Variants in EDARADD observed in about 807,000 individuals in gnomAD.
The protein encoded by EDARADD is ectodysplasin-A receptor-associated adapter protein.
Under a neutral mutation model 25.6 loss-of-function variants are expected in EDARADD, and 20 were observed. That is an observed-to-expected ratio of 0.78 (90% CI 0.55 to 1.14). The LOEUF (loss-of-function observed/expected upper bound fraction) is 1.14, where lower values mean the gene tolerates loss of function less well. Ranked by LOEUF, EDARADD falls within the 50% of genes most tolerant of loss-of-function variation. EDARADD has a pLI of 0.00. For synonymous variants in EDARADD, 86 were observed against 94.4 expected (o/e 0.91, Z 0.52); for missense variants, 225 against 270.1 (o/e 0.83, Z 1.17).
chr1:236,419,630 G>A (rs539238531), intron 3 of EDARADD, among the ~76,000 whole-genome samples: 1 of 152,124 alleles, frequency 6.6e-6, no homozygotes, highest in Non-Finnish European at 1.5e-5. Context: ...AAGGCGGTCT[G>A]GGGGAGAGCT....
At chr1:236,464,550 AC>A (rs1335124452) in intron 4 of EDARADD, among the ~76,000 whole-genome samples, 2 of 145,186 alleles carry the variant, frequency 1.4e-5, no homozygotes, top group Non-Finnish European at 3.0e-5. Flanking sequence ...CTCCTGCCTC[AC>A]CCTCCTGAGT....
At chr1:236,402,890 CTG>C (rs1192991969) in intron 1 of EDARADD, among the ~76,000 whole-genome samples, 2 of 152,184 alleles carry the variant, frequency 1.3e-5, no homozygotes, top group South Asian at 2.1e-4. Flanking sequence ...TTAGCTGAGA[CTG>C]TGTGTAAGCC....
At chr1:236,357,415 C>A (rs1666992888) in intron 3 of EDARADD, among the ~76,000 whole-genome samples, 1 of 152,140 alleles carries the variant, frequency 6.6e-6, no homozygotes, top group Non-Finnish European at 1.5e-5. Flanking sequence ...AACATGAGAA[C>A]CAGTCAGTTA....
At chr1:236,352,747 C>T (rs917498681) in intron 3 of EDARADD, among the ~76,000 whole-genome samples, 51 of 152,092 alleles carry the variant, frequency 3.4e-4, no homozygotes, top group African/African-American at 1.2e-3. Flanking sequence ...ACAGGGGAGG[C>T]TGAGGCAGGA....
chr1:236,349,975 G>C, intron 2 of EDARADD, among the ~76,000 whole-genome samples: 1 of 152,180 alleles, frequency 6.6e-6, no homozygotes, highest in East Asian at 1.9e-4. Flanking sequence ...AGCCGGGTGA[G>C]TTGGTGCACA....
At chr1:236,406,546 C>T (rs75762973) in intron 1 of EDARADD, among the ~76,000 whole-genome samples, 15,060 of 152,172 alleles carry the variant, frequency 0.099, 966 homozygotes, top group Admixed American at 0.17. Flanking sequence ...ATACAGCAGG[C>T]GGCTGTAACA....
At chr1:236,407,030 A>C (rs1298755133) in intron 1 of EDARADD, among the ~76,000 whole-genome samples, 1 of 152,198 alleles carries the variant, frequency 6.6e-6, no homozygotes, top group East Asian at 1.9e-4. Context: ...GACTGGCAGG[A>C]AATTCCACTT....
At chr1:236,373,770 A>G (rs1327876610) in intron 3 of EDARADD, among the ~76,000 whole-genome samples, 1 of 152,082 alleles carries the variant, frequency 6.6e-6, no homozygotes, top group Admixed American at 6.5e-5. Flanking sequence ...TTAAAATCTT[A>G]CTTATTTTCT....
At chr1:236,448,524 C>T (rs948617105) in intron 4 of EDARADD, among the ~76,000 whole-genome samples, 3 of 152,188 alleles carry the variant, frequency 2.0e-5, no homozygotes, top group Admixed American at 1.3e-4. Flanking sequence ...ACTCCCAAAA[C>T]CCTTTCCCCA....
intron 5 of EDARADD, among the ~76,000 whole-genome samples, chr1:236,478,447 GATAT>G (rs921747492): frequency 2.9e-4 from 43 of 147,376 alleles, no homozygotes; most frequent in African/African-American, 1.0e-3. Context: ...ATATAAATAT[GATAT>G]ATATATGTGT....
chr1:236,415,041 C>T (rs781504285), intron 3 of EDARADD, among the ~76,000 whole-genome samples: 1 of 152,004 alleles, frequency 6.6e-6, no homozygotes, highest in Non-Finnish European at 1.5e-5. Context: ...TGATTACTAG[C>T]GCCTCTTGCT....
chr1:236,410,981 C>A lies in EDARADD; in HGVS notation c.120+1707C>A, dbSNP rs115827193. Among the ~76,000 whole-genome samples the A allele has an allele frequency of 9.8e-3, 1,492 of 152,252 alleles. 22 individuals carry two copies. The highest frequency in any genetic ancestry group is 0.035 in the African/African-American group (1,434 of 41,542). ...CATGGCTTATATGTCTCTGGAGTAG[C>A]TTGTTACTAAAGCCTTTGGTTTCTA... is the stretch of plus-strand genomic sequence containing the variant. On this transcript the variant is annotated intron_variant, in intron 2 of 5. Transcript: ENST00000334232.
intron 4 of EDARADD, among the ~76,000 whole-genome samples, chr1:236,447,692 A>G (rs1658604110): frequency 6.6e-6 from 1 of 152,176 alleles, no homozygotes; most frequent in Admixed American, 6.5e-5. Flanking sequence ...ATTTGAAAAA[A>G]ACATGGAAAG....
At chr1:236,361,483 C>A (rs1667048287) in intron 3 of EDARADD, among the ~76,000 whole-genome samples, 1 of 149,714 alleles carries the variant, frequency 6.7e-6, no homozygotes, top group Non-Finnish European at 1.5e-5. Context: ...GTGCCCACCA[C>A]CACACCCAGC....
intron 3 of EDARADD, among the ~76,000 whole-genome samples, chr1:236,362,054 A>G (rs941909372): frequency 2.0e-5 from 3 of 152,114 alleles, no homozygotes; most frequent in East Asian, 1.9e-4. Context: ...AGTTGCTCCA[A>G]TATTTACCCG....
At chr1:236,380,603 C>T (rs539867423) in intron 3 of EDARADD, among the ~76,000 whole-genome samples, 80 of 152,242 alleles carry the variant, frequency 5.3e-4, no homozygotes, top group African/African-American at 1.9e-3. Flanking sequence ...AATGAAAGAA[C>T]ATTACAGACA....
chr1:236,474,098 C>G (rs904223853), intron 5 of EDARADD, among the ~76,000 whole-genome samples: 5 of 152,090 alleles, frequency 3.3e-5, no homozygotes, highest in Non-Finnish European at 2.9e-5. Context: ...AAACGTCAAG[C>G]CTTGAGGAAG....
intron 3 of EDARADD, among the ~76,000 whole-genome samples, chr1:236,425,317 C>T (rs553348731): frequency 1.3e-5 from 2 of 152,274 alleles, no homozygotes; most frequent in South Asian, 2.1e-4. Flanking sequence ...CTGTGTACCT[C>T]GATGCCCCTG....
At chr1:236,456,695 A>C (rs1658876387) in intron 4 of EDARADD, among the ~76,000 whole-genome samples, 1 of 145,546 alleles carries the variant, frequency 6.9e-6, no homozygotes, top group Non-Finnish European at 1.5e-5. Context: ...TCCCTCTCTG[A>C]CCCTCTTTTC....
Sources: gnomAD v4.1 joint callset for allele counts (sites outside exome capture counted in the v4.1 genomes callset) on GRCh38, gnomAD v4.1.1 for gene constraint, MANE v1.5 for transcripts, NCBI Gene and HGNC (gene_info 2026-07-23, HGNC 2026-07-21) for gene names.